The following PHB1 variants were observed in gnomAD, a reference collection of about 807,000 sequenced individuals.
The protein encoded by PHB1 is epididymis luminal protein 215.
chr17:49,411,950 T>A, the PHB1 span: 3 of 964,560 alleles, frequency 3.1e-6, no homozygotes, highest in African/African-American at 3.3e-5. Flanking sequence ...AAGTCTCCCC[T>A]CTTCTCTCTG....
the PHB1 span, among the ~76,000 whole-genome samples, chr17:49,413,611 C>T: frequency 6.6e-6 from 1 of 151,052 alleles, no homozygotes; most frequent in African/African-American, 2.4e-5. Context: ...CAGGCTCAAG[C>T]GATCTTCTCA....
chr17:49,408,803 A>C, the PHB1 span: 2 of 485,008 alleles, frequency 4.1e-6, no homozygotes, highest in Non-Finnish European at 3.7e-6. Context: ...TAGTGGTTAG[A>C]GACTATCTGG....
the PHB1 span, chr17:49,412,672 T>C: frequency 6.5e-6 from 1 of 152,882 alleles, no homozygotes; most frequent in Non-Finnish European, 1.5e-5. Flanking sequence ...AAAAGCCAGC[T>C]TAACCTCCCT....
chr17:49,409,621 A>C, the PHB1 span: 1 of 634,070 alleles, frequency 1.6e-6, no homozygotes, highest in Non-Finnish European at 2.7e-6. Flanking sequence ...GGCTCACTAC[A>C]ACCTCTGCCT....
At chr17:49,411,538 G>A in the PHB1 span, 144 of 711,490 alleles carry the variant, frequency 2.0e-4, 1 homozygote, top group African/African-American at 2.4e-3. Flanking sequence ...AGCTCTCCAG[G>A]GCAAGTAGTC....
At chr17:49,406,844 G>A in the PHB1 span, 1 of 1,612,526 alleles carries the variant, frequency 6.2e-7, no homozygotes, top group Admixed American at 1.7e-5. Flanking sequence ...CTTCCCGAAG[G>A]TCAGATGTGT....
the PHB1 span, chr17:49,411,800 C>T: frequency 9.9e-6 from 16 of 1,614,070 alleles, no homozygotes; most frequent in Middle Eastern, 1.7e-4. Context: ...CTGCACTCCA[C>T]GGAATCGGTC....
chr17:49,413,141 G>A, the PHB1 span: 1 of 1,466,016 alleles, frequency 6.8e-7, no homozygotes, highest in South Asian at 1.1e-5. Flanking sequence ...AAACTCCTAG[G>A]AAAGTGCAGT....
At chr17:49,405,647 T>C in the PHB1 span, among the ~76,000 whole-genome samples, 2 of 152,218 alleles carry the variant, frequency 1.3e-5, no homozygotes, top group East Asian at 3.9e-4. Context: ...TGGTGGCTCA[T>C]GCCTGTAATC....
chr17:49,412,786 C>T, the PHB1 span: 1 of 169,150 alleles, frequency 5.9e-6, no homozygotes, highest in African/African-American at 2.4e-5. Flanking sequence ...GTCACCCAAA[C>T]AGATCTGCAG....
the PHB1 span, among the ~76,000 whole-genome samples, chr17:49,409,864 A>G: frequency 2.0e-5 from 3 of 150,548 alleles, no homozygotes; most frequent in Non-Finnish European, 3.0e-5. Context: ...GACCTCTCCT[A>G]CTCCAATTTG....
the PHB1 span, chr17:49,409,364 C>T: frequency 3.3e-5 from 54 of 1,613,984 alleles, no homozygotes; most frequent in Admixed American, 5.0e-5. Flanking sequence ...TTGTGATGGA[C>T]GGCAGCACAC....
chr17:49,406,404 G>A, the PHB1 span, among the ~76,000 whole-genome samples: 1 of 152,214 alleles, frequency 6.6e-6, no homozygotes, highest in Non-Finnish European at 1.5e-5. Flanking sequence ...CTGGTGCAAC[G>A]TTTGATCTTT....
the PHB1 span, chr17:49,409,529 A>ATT: frequency 1.5e-6 from 2 of 1,296,696 alleles, no homozygotes; most frequent in Non-Finnish European, 2.1e-6. Context: ...TAGGAAAACA[A>ATT]GTGTTTTTTT....
At chr17:49,409,550 T>TG in the PHB1 span, 13 of 954,344 alleles carry the variant, frequency 1.4e-5, no homozygotes, top group Admixed American at 2.7e-5. Context: ...TTTGTTTTTT[T>TG]TTTTTTTTGA....
At chr17:49,409,155 G>C in the PHB1 span, 1 of 1,612,984 alleles carries the variant, frequency 6.2e-7, no homozygotes, top group Non-Finnish European at 8.5e-7. Flanking sequence ...GCATCAAAGC[G>C]AGCCTGGTTT....
the PHB1 span, among the ~76,000 whole-genome samples, chr17:49,408,113 T>TAAC: frequency 6.6e-6 from 1 of 152,182 alleles, no homozygotes; most frequent in African/African-American, 2.4e-5. Context: ...GTGTTCAGGT[T>TAAC]AACGGTAATT....
At chr17:49,406,837 C>G in the PHB1 span, 1 of 1,613,388 alleles carries the variant, frequency 6.2e-7, no homozygotes, top group African/African-American at 1.3e-5. Context: ...TGAACTCCTT[C>G]CCGAAGGTCA....
the PHB1 span, chr17:49,413,208 T>G: frequency 1.2e-6 from 2 of 1,612,920 alleles, no homozygotes; most frequent in South Asian, 2.2e-5. Context: ...CCACGCCTCC[T>G]GCAACAGCTA....
Sources: gnomAD v4.1 joint callset for allele counts (sites outside exome capture counted in the v4.1 genomes callset) on GRCh38, gnomAD v4.1.1 for gene constraint, MANE v1.5 for transcripts, NCBI Gene and HGNC (gene_info 2026-07-23, HGNC 2026-07-21) for gene names.